The following DNAH5 variants were observed in gnomAD, a reference collection of about 807,000 sequenced individuals.
DNAH5 encodes the protein dynein axonemal heavy chain 5, also known as axonemal beta dynein heavy chain 5.
DNAH5 carries 372 observed loss-of-function variants against 518.2 expected under a neutral mutation model. The ratio of observed to expected loss-of-function variants is 0.72; its 90% confidence interval spans 0.66 to 0.78. The LOEUF (loss-of-function observed/expected upper bound fraction) is 0.78, where lower values mean the gene tolerates loss of function less well. Ranked by LOEUF, DNAH5 falls within the 30% of genes least tolerant of loss-of-function variation. The probability of loss-of-function intolerance (pLI) is 0.00; values close to 1 mark genes in which losing one functional copy is unlikely to be tolerated. For synonymous variants in DNAH5, 2,039 were observed against 2,025.9 expected (o/e 1.01, Z -0.17); for missense variants, 5,523 against 5,687.0 (o/e 0.97, Z 0.93).
At chr5:13,748,725 C>A (rs1749779686) in intron 65 of DNAH5, among the ~76,000 whole-genome samples, 1 of 151,928 alleles carries the variant, frequency 6.6e-6, no homozygotes, top group Non-Finnish European at 1.5e-5. Context: ...TTGCACATTG[C>A]TTTTGTATCC....
chr5:13,957,004 C>A (rs923235383), intron 1 of DNAH5, among the ~76,000 whole-genome samples: 1 of 152,156 alleles, frequency 6.6e-6, no homozygotes, highest in Non-Finnish European at 1.5e-5. Context: ...CAACACTGTA[C>A]CTCAATCAAC....
In DNAH5 at chr5:13,885,201, G is replaced by C. The variant is rs367951191; in HGVS notation, c.2771C>G (p.Thr924Ser). The change falls in exon 19 of 79, where the codon ACC becomes AGC. Residue 924 changes from threonine to serine, a missense_variant. Physicochemically the swap from Thr to Ser is moderately conservative, Grantham distance 58. Around this residue, in one of 3 missense-constraint regions of DNAH5, gnomAD observed 5,121 missense variants for 5,223.3 expected, o/e 0.98. Transcript: ENST00000265104. ...CCTGGCATTAATAGATGATGTCAAG[G>C]TGTCAAAATTTCCTTCTTCTCTTTT... ...SAKREEGNFD[T>S]LTSSINARAN... The C allele has an allele frequency of 6.2e-7, 1 of 1,614,052 alleles. No individual in the cohort carries two copies. The highest frequency in any genetic ancestry group is 8.5e-7 in the Non-Finnish European group (1 of 1,180,016).
At chr5:13,820,819 C>A (rs1326102484) in intron 40 of DNAH5, among the ~76,000 whole-genome samples, 11 of 93,486 alleles carry the variant, frequency 1.2e-4, no homozygotes, top group Non-Finnish European at 2.3e-4. Flanking sequence ...AGCAATACTC[C>A]GTCTCAAAAA....
At chr5:13,847,425 T>TA (rs56782034) in intron 31 of DNAH5, among the ~76,000 whole-genome samples, 17,449 of 149,012 alleles carry the variant, frequency 0.12, 3,174 homozygotes, top group African/African-American at 0.39. Context: ...AAAGAAAGAA[T>TA]AAAAAAAAAG....
chr5:13,900,441 T>C (rs1269008637), intron 14 of DNAH5, 29 bp from the exon 15 acceptor site: 2 of 1,569,796 alleles, frequency 1.3e-6, no homozygotes, highest in Non-Finnish European at 1.8e-6. Flanking sequence ...ATCATTACTA[T>C]CAGAAAGTTC....
At chr5:13,965,984 C>T (rs925566343) in intron 1 of DNAH5, among the ~76,000 whole-genome samples, 1 of 151,748 alleles carries the variant, frequency 6.6e-6, no homozygotes, top group Admixed American at 6.6e-5. Context: ...CCCTCACCCC[C>T]CTCCCATCCT....
At chr5:13,737,147 T>C (rs1472326143) in intron 66 of DNAH5, 105 bp downstream of exon 66, 21 of 1,553,064 alleles carry the variant, frequency 1.4e-5, no homozygotes, top group Non-Finnish European at 1.8e-5. Flanking sequence ...ACCTCCACTT[T>C]GCATAATCAT....
intron 17 of DNAH5, among the ~76,000 whole-genome samples, chr5:13,889,676 G>C (rs10075739): frequency 0.56 from 84,508 of 151,912 alleles, 23,739 homozygotes; most frequent in South Asian, 0.64. Flanking sequence ...ACCAGACCCA[G>C]TAAGAACCTT....
Position 13,963,578 on chromosome 5 carries a change from A to AAAATAAATAAATAAATAAAT in DNAH5, c.13-32354_13-32335dup, listed in dbSNP as rs148032042. Reference sequence around the variant, plus strand: ...GGGCAACAAAGCGAGACTCTATCTCAAAATAAATAAATAAATAAATAAATA... The same window carrying AAAATAAATAAATAAATAAAT: ...GGGCAACAAAGCGAGACTCTATCTCAAAATAAATAAATAAATAAATAAATAAATAAATAAATAAATAAATA... On this transcript the variant is annotated intron_variant, in intron 1 of 78. Coordinates refer to the DNAH5 transcript ENST00000681290. Among the ~76,000 whole-genome samples the AAAATAAATAAATAAATAAAT allele has an allele frequency of 8.0e-3, 1,206 of 150,556 alleles. 16 individuals carry two copies. The highest frequency in any genetic ancestry group is 0.023 in the African/African-American group (931 of 40,848).
upstream of DNAH5, among the ~76,000 whole-genome samples, chr5:13,949,023 G>GA (rs1218615814): frequency 6.6e-6 from 1 of 151,544 alleles, no homozygotes; most frequent in Admixed American, 6.6e-5. Context: ...ACACCAGAAA[G>GA]AAAAAAAACA....
In DNAH5 at chr5:13,786,268, T is replaced by C. The variant is rs142852982; in HGVS notation, c.8731A>G (p.Asn2911Asp). ...ESFSHLKERL[N>D]MFLQLYNESI... is the part of the protein sequence containing the mutation. Reference sequence around the variant, plus strand: ...TCATTATAGAGCTGCAGGAACATATTCAGACGCTCTTTTAGGTGACTAAAA... The same window carrying C: ...TCATTATAGAGCTGCAGGAACATATCCAGACGCTCTTTTAGGTGACTAAAA... Residue 2911 changes from asparagine to aspartate, a missense_variant, in exon 52 of 79, where the codon AAT becomes GAT. This residue lies in a region of DNAH5 where 5,121 missense variants were observed against 5,223.3 expected (regional missense o/e 0.98). Coordinates refer to ENST00000265104, the MANE Select transcript of DNAH5 (RefSeq NM_001369.3). The C allele has an allele frequency of 1.6e-4, 266 of 1,614,076 alleles. No individual in the cohort carries two copies. The African/African-American group carries it at 3.3e-3, about 20-fold the overall frequency.
chr5:13,751,857 G>T (rs1750280944), intron 64 of DNAH5, among the ~76,000 whole-genome samples: 1 of 152,106 alleles, frequency 6.6e-6, no homozygotes. Context: ...CCCAGATGTG[G>T]GTGGGGCAGA....
At chr5:13,706,810 C>T (rs1367950281) in intron 76 of DNAH5, among the ~76,000 whole-genome samples, 1 of 152,150 alleles carries the variant, frequency 6.6e-6, no homozygotes, top group Admixed American at 6.5e-5. Flanking sequence ...AAATTCTTAT[C>T]CTTTTATTTT....
intron 1 of DNAH5, among the ~76,000 whole-genome samples, chr5:13,961,589 A>G (rs1327053802): frequency 1.3e-5 from 2 of 152,212 alleles, no homozygotes; most frequent in Non-Finnish European, 2.9e-5. Flanking sequence ...GGTTGCAGTG[A>G]GCCAAGATCA....
At chr5:13,791,554 A>G (rs889922543) in intron 50 of DNAH5, among the ~76,000 whole-genome samples, 9 of 152,192 alleles carry the variant, frequency 5.9e-5, no homozygotes, top group Admixed American at 2.6e-4. Flanking sequence ...ATGATTATCA[A>G]CAAAATGGGT....
chr5:13,931,793 T>C (rs573597727), intron 1 of DNAH5, among the ~76,000 whole-genome samples: 114 of 152,334 alleles, frequency 7.5e-4, no homozygotes, highest in African/African-American at 2.6e-3. Context: ...ATGTCTTTCC[T>C]TATACTGTAT....
intron 1 of DNAH5, among the ~76,000 whole-genome samples, chr5:13,972,528 C>T (rs1243791684): frequency 1.3e-5 from 2 of 152,198 alleles, no homozygotes; most frequent in Admixed American, 6.5e-5. Context: ...GCTGCTTCCT[C>T]TACCTCTGCA....
rs1343407162 is a variant in DNAH5 at position 13,919,191 on chromosome 5, C to T, written c.960G>A (p.Lys320=). The T allele has an allele frequency of 1.9e-6, 3 of 1,613,854 alleles. No homozygotes were observed. The African/African-American group carries it at 4.0e-5, about 22-fold the overall frequency. Reference sequence around the variant, plus strand: ...GGCTGACGACCTTCAGCAGTTTCGACTTGGCCGCCGCAAGCACTGCCAGCA... The same window carrying T: ...GGCTGACGACCTTCAGCAGTTTCGATTTGGCCGCCGCAAGCACTGCCAGCA... ...KAVLAVLAAA[K]SKLLKTWREM... The change falls in exon 7 of 79, where the codon AAG becomes AAA. Residue 320 remains lysine, a synonymous_variant. Coordinates refer to ENST00000265104, the MANE Select transcript of DNAH5 (RefSeq NM_001369.3).
chr5:13,836,428 G>A (rs1465729844), intron 35 of DNAH5, among the ~76,000 whole-genome samples: 7 of 152,150 alleles, frequency 4.6e-5, no homozygotes, highest in African/African-American at 7.2e-5. Context: ...GAAGAGGAAC[G>A]AGTAGGAGCA....
Sources: gnomAD v4.1 joint callset for allele counts (sites outside exome capture counted in the v4.1 genomes callset) on GRCh38, gnomAD v4.1.1 for gene constraint, gnomAD v4.1.1 regional missense constraint, MANE v1.5 for transcripts, NCBI Gene and HGNC (gene_info 2026-07-23, HGNC 2026-07-21) for gene names.